The following TLL1 variants were observed in gnomAD, a reference collection of about 807,000 sequenced individuals.
TLL1 encodes the protein tolloid like 1, also known as tolloid-like protein 1.
In TLL1, 49 loss-of-function variants were observed where a neutral mutation model predicts 128.2. The ratio of observed to expected loss-of-function variants is 0.38; its 90% CI spans 0.30 to 0.48. The LOEUF is 0.48. Among genes scored for constraint, TLL1 ranks in the 20% least tolerant of loss-of-function variants. TLL1 has a pLI of 0.96. For missense variants in TLL1, 1,123 were observed against 1,242.0 expected (o/e 0.90, Z 1.44); for synonymous variants, 454 against 418.8 (o/e 1.08, Z -1.03).
At chr4:166,044,122 C>G (rs1468776548) in intron 12 of TLL1, among the ~76,000 whole-genome samples, 1 of 151,992 alleles carries the variant, frequency 6.6e-6, no homozygotes, top group Non-Finnish European at 1.5e-5. Context: ...CAGAGTTGGT[C>G]TAGTAATTGA....
At chr4:165,933,398 T>C (rs1733619473) in intron 1 of TLL1, among the ~76,000 whole-genome samples, 1 of 152,070 alleles carries the variant, frequency 6.6e-6, no homozygotes, top group Non-Finnish European at 1.5e-5. Flanking sequence ...CAGTTCACTA[T>C]GGAAATCAGG....
At chr4:166,036,294 C>T (rs1369710618) in intron 9 of TLL1, among the ~76,000 whole-genome samples, 1 of 152,162 alleles carries the variant, frequency 6.6e-6, no homozygotes, top group Non-Finnish European at 1.5e-5. Context: ...CAATTGGCAG[C>T]AGTGACATCT....
chr4:166,095,669 G>A (rs1358889753), intron 19 of TLL1, among the ~76,000 whole-genome samples: 4 of 151,934 alleles, frequency 2.6e-5, no homozygotes, highest in Admixed American at 2.6e-4. Flanking sequence ...CAAATTACAA[G>A]GTATCTCCTG....
Position 166,074,927 on chromosome 4 carries a change from C to T in TLL1, c.2238C>T (p.Val746=). The T allele has an allele frequency of 6.2e-7, 1 of 1,613,612 alleles. No homozygotes were observed. The change falls in exon 17 of 21, where the codon GTC becomes GTT. Residue 746 remains valine, a synonymous_variant. Coordinates refer to ENST00000061240, the MANE Select transcript of TLL1 (RefSeq NM_012464.5). ...KDNGGCQHEC[V]NTMGSYMCQC... The stretch of plus-strand genomic sequence containing the variant: ...ATGGTGGATGTCAGCACGAATGTGT[C>T]AACACGATGGGGAGCTACATGTGTC...
At chr4:165,974,934 C>T (rs1429450605) in intron 1 of TLL1, among the ~76,000 whole-genome samples, 1 of 152,032 alleles carries the variant, frequency 6.6e-6, no homozygotes, top group Non-Finnish European at 1.5e-5. Context: ...GGACAGTTCT[C>T]AGGATCACCA....
rs1022391817 is a variant in TLL1 at position 165,883,164 on chromosome 4, A to G, written c.169+9091A>G. On this transcript the variant is annotated intron_variant, in intron 1 of 20. Coordinates refer to ENST00000061240, the MANE Select transcript of TLL1 (RefSeq NM_012464.5). ...TGTATGCTTCAAAAACAAGTGTCCT[A>G]TATTAAATCTTGTTCTTGTATTGAA... Among the ~76,000 whole-genome samples the G allele has an allele frequency of 2.6e-5, 4 of 152,126 alleles. No homozygotes were observed. The East Asian group carries it at 5.8e-4, about 22-fold the overall frequency.
In TLL1 at chr4:165,909,508, G is replaced by T. The variant is rs1732428149; in HGVS notation, c.169+35435G>T. On this transcript the variant is annotated intron_variant, in intron 1 of 20. Transcript: ENST00000061240. ...AAGAGTTCCAAGGACTTAGGTCTGGGACATTTCAGCGTTTTGAGTTCTTGG... is the reference window on the plus strand; with the variant it reads ...AAGAGTTCCAAGGACTTAGGTCTGGTACATTTCAGCGTTTTGAGTTCTTGG... Among the ~76,000 whole-genome samples the T allele has an allele frequency of 1.3e-5, 2 of 152,160 alleles. 1 individual carries two copies.
At chr4:165,876,678 A>G (rs1459816938) in intron 1 of TLL1, among the ~76,000 whole-genome samples, 1 of 152,232 alleles carries the variant, frequency 6.6e-6, no homozygotes, top group Non-Finnish European at 1.5e-5. Flanking sequence ...AGGCCCAGTG[A>G]GGTTACATGT....
chr4:165,910,473 C>T (rs1323482150), intron 1 of TLL1, among the ~76,000 whole-genome samples: 1 of 152,072 alleles, frequency 6.6e-6, no homozygotes, highest in Non-Finnish European at 1.5e-5. Context: ...TCCATTGATT[C>T]CTAAATCTTA....
In TLL1 at chr4:166,097,148, C is replaced by T. The variant is rs756724345; in HGVS notation, c.2657-2129C>T. Among the ~76,000 whole-genome samples, 107 of 151,976 alleles carry T rather than the reference C, an allele frequency of 7.0e-4. 1 individual carries two copies. Among genetic ancestry groups the T allele is most frequent in the Non-Finnish European group, 7.2e-4 (49 of 67,982 alleles). On this transcript the variant is annotated intron_variant, in intron 19 of 20. Coordinates refer to ENST00000061240, the MANE Select transcript of TLL1 (RefSeq NM_012464.5). ...TAGAAAAGAAATTGTGGAAAAAAGTCCCCCAGCTGGTAAAGAACAGAGCCA... is the reference window on the plus strand; with the variant it reads ...TAGAAAAGAAATTGTGGAAAAAAGTTCCCCAGCTGGTAAAGAACAGAGCCA...
chr4:166,093,189 T>C (rs1297700669), intron 19 of TLL1, among the ~76,000 whole-genome samples: 3 of 152,140 alleles, frequency 2.0e-5, no homozygotes, highest in African/African-American at 7.2e-5. Context: ...AGACCGGCAC[T>C]TAGCACACCA....
intron 12 of TLL1, among the ~76,000 whole-genome samples, chr4:166,048,890 C>T (rs548264057): frequency 3.3e-5 from 5 of 152,296 alleles, no homozygotes; most frequent in African/African-American, 4.8e-5. Context: ...ACCACAGCTG[C>T]GAGCTGAAAC....
chr4:165,878,637 C>T (rs1484088673), intron 1 of TLL1, among the ~76,000 whole-genome samples: 8 of 151,950 alleles, frequency 5.3e-5, no homozygotes, highest in Non-Finnish European at 1.5e-5. Context: ...CTTTTCTTTT[C>T]CTTTTTGTTT....
intron 1 of TLL1, among the ~76,000 whole-genome samples, chr4:165,923,421 CTTTTTTTTTTT>C (rs758162016): frequency 8.3e-4 from 59 of 70,848 alleles, no homozygotes; most frequent in African/African-American, 3.1e-3. Context: ...ATAGGTATAC[CTTTTTTTTTTT>C]TTTTTTTTTT....
At chr4:166,057,393 CTTTCCCTTTTT>C in intron 14 of TLL1, 84 bp downstream of exon 14, 1 of 1,561,464 alleles carries the variant, frequency 6.4e-7, no homozygotes, top group Non-Finnish European at 8.7e-7. Flanking sequence ...CTTCCTCTTT[CTTTCCCTTTTT>C]CCTATAGTGA....
At chr4:165,929,054 G>T (rs948945462) in intron 1 of TLL1, among the ~76,000 whole-genome samples, 4 of 152,148 alleles carry the variant, frequency 2.6e-5, no homozygotes, top group African/African-American at 9.7e-5. Context: ...ACCACGTGGA[G>T]AAGTTGACGG....
intron 1 of TLL1, among the ~76,000 whole-genome samples, chr4:165,944,207 G>A (rs1734141583): frequency 6.6e-6 from 1 of 152,110 alleles, no homozygotes; most frequent in East Asian, 1.9e-4. Flanking sequence ...AAGCAACAGA[G>A]TCTAAATTAT....
intron 1 of TLL1, among the ~76,000 whole-genome samples, chr4:165,942,429 T>C (rs571235231): frequency 3.3e-5 from 5 of 152,086 alleles, no homozygotes; most frequent in Admixed American, 6.6e-5. Context: ...TGTTTTATCT[T>C]TTCATTTTGC....
chr4:166,059,840 A>G (rs1392675832), intron 14 of TLL1, among the ~76,000 whole-genome samples, 188 bp from the exon 15 acceptor site: 1 of 152,142 alleles, frequency 6.6e-6, no homozygotes, highest in Non-Finnish European at 1.5e-5. Context: ...AACACCTTAA[A>G]AATGAGACTT....
Sources: gnomAD v4.1 joint callset for allele counts (sites outside exome capture counted in the v4.1 genomes callset) on GRCh38, gnomAD v4.1.1 for gene constraint, MANE v1.5 for transcripts, NCBI Gene and HGNC (gene_info 2026-07-23, HGNC 2026-07-21) for gene names.